The following TENM2 variants were observed in gnomAD, a reference collection of about 807,000 sequenced individuals.
TENM2 encodes the protein teneurin-2.
A neutral mutation model predicts 245.2 loss-of-function variants in TENM2; 52 were observed. The observed-to-expected ratio is 0.21, with a 90% CI of 0.17 to 0.27. The LOEUF (loss-of-function observed/expected upper bound fraction) is 0.27. TENM2 is among the 10% of genes least tolerant of loss of function. The pLI, the probability that TENM2 is intolerant of heterozygous loss-of-function variation, is 1.00. For synonymous variants in TENM2, 1,363 were observed against 1,438.9 expected (o/e 0.95, Z 1.19); for missense variants, 3,046 against 3,666.8 (o/e 0.83, Z 4.37).
chr5:167,458,756 T>G (rs6880489), intron 2 of TENM2, among the ~76,000 whole-genome samples: 9,772 of 152,098 alleles, frequency 0.064, 1,062 homozygotes, highest in African/African-American at 0.22. Context: ...TTACAACACC[T>G]CTATGAAGAA....
intron 7 of TENM2, among the ~76,000 whole-genome samples, chr5:168,090,346 T>C (rs1792829561): frequency 6.6e-6 from 1 of 152,066 alleles, no homozygotes; most frequent in Admixed American, 6.6e-5. Flanking sequence ...GATTGTGGCC[T>C]AGAGTAATAA....
intron 2 of TENM2, among the ~76,000 whole-genome samples, chr5:167,533,058 G>A (rs6881102): frequency 0.088 from 13,451 of 152,068 alleles, 1,634 homozygotes; most frequent in African/African-American, 0.27. Context: ...TGATTCAGGA[G>A]TGCTTTGAAG....
At chr5:167,861,494 C>T (rs890816546) in intron 2 of TENM2, among the ~76,000 whole-genome samples, 43 of 152,306 alleles carry the variant, frequency 2.8e-4, no homozygotes, top group African/African-American at 9.4e-4. Flanking sequence ...TCGTCACATG[C>T]GAAGAACAGA....
intron 2 of TENM2, among the ~76,000 whole-genome samples, chr5:167,743,147 C>T (rs1352387371): frequency 1.3e-5 from 2 of 152,190 alleles, no homozygotes; most frequent in Non-Finnish European, 1.5e-5. Context: ...TGGGACTACA[C>T]TTACTGGAGA....
the TENM2 span, among the ~76,000 whole-genome samples, chr5:166,998,891 C>T: frequency 6.6e-6 from 1 of 151,822 alleles, no homozygotes; most frequent in African/African-American, 2.4e-5. Flanking sequence ...CTATACTTTG[C>T]TTCAAAATAA....
chr5:167,726,664 A>G (rs1167315511), intron 2 of TENM2, among the ~76,000 whole-genome samples: 1 of 152,004 alleles, frequency 6.6e-6, no homozygotes, highest in Non-Finnish European at 1.5e-5. Flanking sequence ...TCATTATGTT[A>G]ACCAGGCTGA....
intron 2 of TENM2, among the ~76,000 whole-genome samples, chr5:167,663,834 G>T (rs1270890328): frequency 1.3e-5 from 2 of 151,998 alleles, no homozygotes; most frequent in African/African-American, 4.8e-5. Context: ...TCACTTGAAT[G>T]TCCATTTAGA....
chr5:167,488,475 C>T (rs1423814430), intron 2 of TENM2, among the ~76,000 whole-genome samples: 1 of 152,108 alleles, frequency 6.6e-6, no homozygotes, highest in African/African-American at 2.4e-5. Flanking sequence ...CCCAGCCAAT[C>T]ACTCCCTCCT....
chr5:167,588,965 C>A (rs917120925), intron 2 of TENM2, among the ~76,000 whole-genome samples: 6 of 152,172 alleles, frequency 3.9e-5, no homozygotes, highest in African/African-American at 1.4e-4. Context: ...TTTTGAGAGG[C>A]TGAGGTGGGC....
intron 1 of TENM2, among the ~76,000 whole-genome samples, chr5:167,371,022 A>T (rs1401313676): frequency 2.0e-5 from 3 of 152,220 alleles, no homozygotes; most frequent in African/African-American, 7.2e-5. Flanking sequence ...CTTCCATACT[A>T]ATTTACATTC....
intron 2 of TENM2, among the ~76,000 whole-genome samples, chr5:167,605,015 C>G (rs777358172): frequency 4.6e-5 from 7 of 152,106 alleles, no homozygotes; most frequent in Non-Finnish European, 1.0e-4. Flanking sequence ...CTTGGAGGCA[C>G]GAGGCAAGGT....
At chr5:167,002,739 C>T in the TENM2 span, among the ~76,000 whole-genome samples, 1 of 151,882 alleles carries the variant, frequency 6.6e-6, no homozygotes, top group Non-Finnish European at 1.5e-5. Flanking sequence ...TGCTCCTCTA[C>T]TCCATCCTAG....
intron 2 of TENM2, among the ~76,000 whole-genome samples, chr5:167,706,868 G>A (rs1017014855): frequency 2.0e-5 from 3 of 151,730 alleles, no homozygotes; most frequent in East Asian, 3.9e-4. Context: ...ACGAAAAATT[G>A]GCCGGGCATG....
intron 14 of TENM2, chr5:168,190,923 T>C (rs1760897741): frequency 6.0e-6 from 1 of 165,458 alleles, no homozygotes. Context: ...GTTCATTCAA[T>C]AGAGTGTTTT....
chr5:168,209,306 C>T (rs147626284), intron 19 of TENM2, among the ~76,000 whole-genome samples: 10 of 152,304 alleles, frequency 6.6e-5, no homozygotes, highest in African/African-American at 2.2e-4. Flanking sequence ...AAATGATGCT[C>T]ATTAACCAGT....
At chr5:167,991,266 A>C (rs543388819) in intron 4 of TENM2, among the ~76,000 whole-genome samples, 1 of 152,310 alleles carries the variant, frequency 6.6e-6, no homozygotes, top group South Asian at 2.1e-4. Context: ...AGCTGAGTAA[A>C]ATTGCAAGAC....
intron 3 of TENM2, among the ~76,000 whole-genome samples, chr5:167,886,608 A>G (rs181438817): frequency 2.0e-5 from 3 of 152,352 alleles, no homozygotes; most frequent in Non-Finnish European, 1.5e-5. Context: ...ATTAGCTATA[A>G]AAAGGTAAAT....
At chr5:167,170,085 G>C in the TENM2 span, among the ~76,000 whole-genome samples, 11 of 152,294 alleles carry the variant, frequency 7.2e-5, no homozygotes, top group South Asian at 2.3e-3. Flanking sequence ...TGTGAAACGG[G>C]TACATCTATT....
At chr5:168,145,801 C>T (rs1171053127) in intron 12 of TENM2, among the ~76,000 whole-genome samples, 1 of 149,950 alleles carries the variant, frequency 6.7e-6, no homozygotes, top group Non-Finnish European at 1.5e-5. Flanking sequence ...ATTGATTCTT[C>T]CTACCCATGA....
Sources: gnomAD v4.1 joint callset for allele counts (sites outside exome capture counted in the v4.1 genomes callset) on GRCh38, gnomAD v4.1.1 for gene constraint, MANE v1.5 for transcripts, NCBI Gene and HGNC (gene_info 2026-07-23, HGNC 2026-07-21) for gene names.